INTS13: variants seen among roughly 807,000 people sequenced by gnomAD.
The protein encoded by INTS13 is asunder, spermatogenesis regulator homolog (Drosphila).
In INTS13, 35 loss-of-function variants were observed where a neutral mutation model predicts 90.2. The ratio of observed to expected loss-of-function variants is 0.39; its 90% CI spans 0.30 to 0.51. INTS13 has a LOEUF of 0.51. INTS13 is among the 20% of genes least tolerant of loss of function. INTS13 has a pLI of 0.80. For synonymous variants in INTS13, 309 were observed against 277.1 expected (o/e 1.11, Z -1.14); for missense variants, 601 against 851.2 (o/e 0.71, Z 3.66).
chr12:26,928,986 C>T, intron 3 of INTS13, 81 bp from the exon 4 acceptor site: 2 of 1,241,046 alleles, frequency 1.6e-6, no homozygotes, highest in South Asian at 2.7e-5. Context: ...AAACTACACA[C>T]CAATGTATCT....
Position 26,934,566 on chromosome 12 carries a change from T to C in INTS13, c.290A>G (p.Asn97Ser), listed in dbSNP as rs1458554972. ...VLNSWTQEDQ[N>S]LQELMAALAA... The stretch of plus-strand genomic sequence containing the variant: ...AAAATCTAACCATACCTCCTGTAAA[T>C]TTTGGTCTTCTTGAGTCCAAGAATT... Residue 97 changes from asparagine (N) to serine (S), a missense_variant, in exon 3 of 17, where the codon AAT (asparagine) becomes AGT (serine). Around this residue, in one of 3 missense-constraint regions of INTS13, gnomAD observed 284 missense variants for 387.7 expected, o/e 0.73. Coordinates refer to ENST00000261191, the MANE Select transcript of INTS13 (RefSeq NM_018164.3). 4.3e-6 allele frequency: 7 copies of C among 1,610,736 alleles called. No individual in the cohort carries two copies. Among genetic ancestry groups the C allele is most frequent in the Non-Finnish European group, 5.9e-6 (7 of 1,176,988 alleles).
chr12:26,937,987 G>C (rs1222925781), upstream of INTS13: 1 of 148,290 alleles, frequency 6.7e-6, no homozygotes, highest in Non-Finnish European at 1.5e-5. Flanking sequence ...GCAGGAGCGC[G>C]CGTGCGCGTG....
intron 10 of INTS13, 107 bp downstream of exon 10, chr12:26,917,245 C>T (rs991346608): frequency 1.2e-4 from 37 of 305,460 alleles, no homozygotes; most frequent in South Asian, 7.5e-4. Flanking sequence ...TATAGCTTTC[C>T]AGAGTTCATA....
In INTS13 at chr12:26,934,627, T is replaced by A; in HGVS notation, c.229A>T (p.Asn77Tyr). 1 of 1,611,112 alleles carries A rather than the reference T, an allele frequency of 6.2e-7. No individual in the cohort carries two copies. Among genetic ancestry groups the A allele is most frequent in the Non-Finnish European group, 8.5e-7 (1 of 1,177,730 alleles). The change falls in exon 3 of 17, where the codon AAT (asparagine) becomes TAT (tyrosine). Residue 77 changes from asparagine to tyrosine, a missense_variant. Coordinates refer to ENST00000261191, the MANE Select transcript of INTS13 (RefSeq NM_018164.3). ...YDIFPFKKLV[N>Y]FIVSDSGAHV... The stretch of plus-strand genomic sequence containing the variant: ...GCTCCAGAGTCACTCACAATAAAAT[T>A]CACCTAATAGATTCCAAAGAAACAA...
chr12:26,914,874 T>C (rs1951884379), intron 11 of INTS13, among the ~76,000 whole-genome samples: 1 of 152,198 alleles, frequency 6.6e-6, no homozygotes. Context: ...TTAACTTTTC[T>C]ATCACACACA....
intron 8 of INTS13, among the ~76,000 whole-genome samples, chr12:26,921,700 G>C (rs1303195126): frequency 1.3e-5 from 2 of 152,188 alleles, no homozygotes; most frequent in African/African-American, 4.8e-5. Flanking sequence ...CTGTTGCCCA[G>C]GTTGGGGTGT....
chr12:26,926,783 A>T (rs1190217476), intron 5 of INTS13, among the ~76,000 whole-genome samples: 1 of 152,212 alleles, frequency 6.6e-6, no homozygotes, highest in South Asian at 2.1e-4. Flanking sequence ...TTCCTGGATG[A>T]CAGGAGCATC....
chr12:26,913,855 C>G (rs1951859787), intron 13 of INTS13, 119 bp downstream of exon 13: 1 of 1,161,554 alleles, frequency 8.6e-7, no homozygotes, highest in Non-Finnish European at 1.2e-6. Context: ...ATTATTTCAT[C>G]TCAAATATAT....
Position 26,922,637 on chromosome 12 carries a change from G to A in INTS13, c.868C>T (p.His290Tyr). 1 of 1,579,082 alleles carries A rather than the reference G, an allele frequency of 6.3e-7. No individual in the cohort carries two copies. Among genetic ancestry groups the A allele is most frequent in the Non-Finnish European group, 8.6e-7 (1 of 1,161,930 alleles). The change falls in exon 8 of 17, where the codon CAT (histidine) becomes TAT (tyrosine). Residue 290 changes from histidine (H) to tyrosine (Y), a missense_variant. Around this residue, in one of 3 missense-constraint regions of INTS13, gnomAD observed 284 missense variants for 387.7 expected, o/e 0.73. Transcript: ENST00000261191. ...TTACCACTTTTCAGGAAATCTACAT[G>A]TGCATCTTTGTGATGAAGTAGCTCC... ...DVELLHHKDA[H>Y]VDFLKSGDSH...
intron 9 of INTS13, 43 bp from the exon 10 acceptor site, chr12:26,917,484 T>C: frequency 7.7e-7 from 1 of 1,296,276 alleles, no homozygotes; most frequent in Non-Finnish European, 1.1e-6. Context: ...TATAAAGAAA[T>C]ATTCCCACAA....
At position 26,905,344 on chromosome 12, in the gene INTS13, A is replaced by T; in HGVS notation, c.*153T>A. The stretch of plus-strand genomic sequence containing the variant: ...TATTTTTGAATTATGTGCCAATTTT[A>T]TAATTAGTACAAAAATGACAGCTGA... On this transcript the variant is annotated 3_prime_UTR_variant, in exon 17 of 17. Coordinates refer to ENST00000261191, the MANE Select transcript of INTS13 (RefSeq NM_018164.3). 1 of 639,206 alleles carries T rather than the reference A, an allele frequency of 1.6e-6. No homozygotes were observed. Among genetic ancestry groups the T allele is most frequent in the Non-Finnish European group, 2.6e-6 (1 of 384,968 alleles). The allele number at this position is 639,206 out of a possible 1,614,324, so 39.6% of individuals were successfully genotyped here.
chr12:26,921,805 G>A (rs1444601105), intron 8 of INTS13, among the ~76,000 whole-genome samples: 3 of 152,010 alleles, frequency 2.0e-5, no homozygotes, highest in African/African-American at 4.8e-5. Flanking sequence ...ACAGGTACAC[G>A]CCACCACACC....
At chr12:26,930,149 TG>T (rs1451882010) in intron 3 of INTS13, among the ~76,000 whole-genome samples, 2 of 152,174 alleles carry the variant, frequency 1.3e-5, no homozygotes, top group African/African-American at 4.8e-5. Flanking sequence ...AAAACATTGT[TG>T]AAGAAATTAA....
At position 26,936,527 on chromosome 12, in the gene INTS13, T is replaced by G. The variant is rs564773372; in HGVS notation, c.225+52A>C. On this transcript the variant is annotated intron_variant, in intron 2 of 16. Coordinates refer to ENST00000261191, the MANE Select transcript of INTS13 (RefSeq NM_018164.3). ...GCAAATTCATATAAAAATTCATTTA[T>G]GCAGTTAAGTACATCCCCAAAATCA... is the stretch of plus-strand genomic sequence containing the variant. 7.7e-6 allele frequency: 10 copies of G among 1,305,452 alleles called. No individual in the cohort carries two copies. The South Asian group carries it at 1.3e-4, about 16-fold the overall frequency. The allele number at this position is 1,305,452 out of a possible 1,614,324, so 80.9% of individuals were successfully genotyped here.
chr12:26,938,203 C>A (rs1302941525), upstream of INTS13: 1 of 152,568 alleles, frequency 6.6e-6, no homozygotes, highest in Non-Finnish European at 1.5e-5. Flanking sequence ...AGGATCTGGG[C>A]GACCTGAAAG....
In INTS13 at chr12:26,924,495, C is replaced by T. The variant is rs113663541; in HGVS notation, c.676-12G>A. On this transcript the variant is annotated splice_polypyrimidine_tract_variant and intron_variant, in intron 6 of 16. Transcript: ENST00000261191. ...AAAACCGGGGACAACTACAGAAAAA[C>T]ATACAAGAAAAATAATCCACAAAAT... The T allele has an allele frequency of 6.3e-7, 1 of 1,591,224 alleles. No homozygotes were observed. The highest frequency in any genetic ancestry group is 1.1e-5 in the South Asian group (1 of 87,470).
intron 13 of INTS13, 52 bp from the exon 14 acceptor site, chr12:26,913,739 C>CTA (rs765211686): frequency 1.2e-5 from 17 of 1,453,398 alleles, no homozygotes; most frequent in Non-Finnish European, 1.6e-5. Context: ...GTGTCACTTT[C>CTA]TAGTGGTAAA....
intron 15 of INTS13, among the ~76,000 whole-genome samples, chr12:26,906,859 A>C: frequency 6.6e-6 from 1 of 152,214 alleles, no homozygotes. Context: ...ATAGGCAAAC[A>C]TGCAGCCACA....
intron 7 of INTS13, 85 bp downstream of exon 7, chr12:26,924,270 G>C: frequency 6.8e-7 from 1 of 1,459,980 alleles, no homozygotes; most frequent in Non-Finnish European, 9.3e-7. Flanking sequence ...TGGGATTACA[G>C]GCATGAGCTA....
Sources: gnomAD v4.1 joint callset for allele counts (sites outside exome capture counted in the v4.1 genomes callset) on GRCh38, gnomAD v4.1.1 for gene constraint, gnomAD v4.1.1 regional missense constraint, MANE v1.5 for transcripts, NCBI Gene and HGNC (gene_info 2026-07-23, HGNC 2026-07-21) for gene names.